Variants in CAMTA1 observed in about 807,000 individuals in gnomAD.
CAMTA1 encodes the protein calmodulin binding transcription activator 1.
In CAMTA1, 27 loss-of-function variants were observed where a neutral mutation model predicts 170.9. The observed-to-expected ratio is 0.16, with a 90% confidence interval of 0.12 to 0.22. The LOEUF is 0.22. Among genes scored for constraint, CAMTA1 ranks in the 10% least tolerant of loss-of-function variants. CAMTA1 has a pLI of 1.00. For synonymous variants in CAMTA1, 833 were observed against 891.5 expected, an observed-to-expected ratio of 0.93 and a Z score of 1.17; for missense variants, 1,619 against 2,217.2, an observed-to-expected ratio of 0.73 and a Z score of 5.42.
At chr1:6,857,901 T>C (rs1482261252) in intron 3 of CAMTA1, among the ~76,000 whole-genome samples, 1 of 152,170 alleles carries the variant, frequency 6.6e-6, no homozygotes, top group Admixed American at 6.5e-5. Context: ...TAATTTTATG[T>C]TGTGGGTGGC....
intron 3 of CAMTA1, among the ~76,000 whole-genome samples, chr1:6,875,731 G>T (rs576698682): frequency 2.0e-5 from 3 of 152,066 alleles, no homozygotes; most frequent in Non-Finnish European, 4.4e-5. Flanking sequence ...CCTTAATCCT[G>T]GCTGCACATC....
chr1:7,377,465 A>G (rs2086928263), intron 5 of CAMTA1, among the ~76,000 whole-genome samples: 1 of 152,120 alleles, frequency 6.6e-6, no homozygotes, highest in African/African-American at 2.4e-5. Context: ...CAGGCCCCAG[A>G]TATTCTCCAC....
chr1:7,016,966 G>A (rs1284201768), intron 3 of CAMTA1, among the ~76,000 whole-genome samples: 3 of 152,144 alleles, frequency 2.0e-5, no homozygotes, highest in African/African-American at 7.2e-5. Context: ...CTCCCTCCCT[G>A]CCTACTCACC....
At chr1:7,502,656 G>A (rs2094026433) in intron 6 of CAMTA1, among the ~76,000 whole-genome samples, 2 of 152,186 alleles carry the variant, frequency 1.3e-5, no homozygotes, top group Admixed American at 1.3e-4. Flanking sequence ...TGACCCCAAG[G>A]AGAAGCGAAG....
At chr1:7,388,746 G>A (rs1376783101) in intron 5 of CAMTA1, among the ~76,000 whole-genome samples, 3 of 152,210 alleles carry the variant, frequency 2.0e-5, no homozygotes, top group Admixed American at 1.3e-4. Context: ...GAGCGTTCCT[G>A]CCCATCTCCA....
At chr1:7,533,252 C>T (rs1009336301) in intron 6 of CAMTA1, among the ~76,000 whole-genome samples, 3 of 152,170 alleles carry the variant, frequency 2.0e-5, no homozygotes, top group African/African-American at 4.8e-5. Flanking sequence ...CCGGGCTCCA[C>T]TCCAGGCTCC....
At chr1:7,367,037 A>C (rs2086023880) in intron 5 of CAMTA1, among the ~76,000 whole-genome samples, 1 of 152,168 alleles carries the variant, frequency 6.6e-6, no homozygotes, top group Admixed American at 6.5e-5. Context: ...TCTTAAAAAA[A>C]AATATCCTGC....
At position 7,728,030 on chromosome 1, in the gene CAMTA1, C is replaced by T. The variant is rs201894230; in HGVS notation, c.2915-4418C>T. 2.0e-5 allele frequency among the ~76,000 whole-genome samples: 3 copies of T among 152,316 alleles called. No individual in the cohort carries two copies. The East Asian group carries it at 5.8e-4, about 29-fold the overall frequency. Reference sequence around the variant, plus strand: ...TTGGAATTGAGAGGCTCAGAGATGCCGTTATGCATGATATGATTTTGTTAA... The same window carrying T: ...TTGGAATTGAGAGGCTCAGAGATGCTGTTATGCATGATATGATTTTGTTAA... On this transcript the variant is annotated intron_variant, in intron 11 of 22. Coordinates refer to ENST00000303635, the MANE Select transcript of CAMTA1 (RefSeq NM_015215.4).
chr1:7,414,294 C>T (rs1369127005), intron 5 of CAMTA1, among the ~76,000 whole-genome samples: 1 of 152,036 alleles, frequency 6.6e-6, no homozygotes, highest in East Asian at 1.9e-4. Context: ...GGGAGGATTC[C>T]CTCTTTTTCT....
At chr1:7,388,971 C>A (rs1356776613) in intron 5 of CAMTA1, among the ~76,000 whole-genome samples, 1 of 152,208 alleles carries the variant, frequency 6.6e-6, no homozygotes, top group Non-Finnish European at 1.5e-5. Context: ...AGGGCCCTAA[C>A]GCTCTGTTGT....
intron 2 of CAMTA1, among the ~76,000 whole-genome samples, chr1:6,823,294 C>T (rs571017971): frequency 1.3e-5 from 2 of 152,248 alleles, no homozygotes; most frequent in African/African-American, 4.8e-5. Flanking sequence ...AGCATAAGCA[C>T]ATAAGATTAC....
chr1:6,822,821 C>CACACAA (rs1026426885), intron 2 of CAMTA1, among the ~76,000 whole-genome samples: 6 of 151,150 alleles, frequency 4.0e-5, no homozygotes, highest in African/African-American at 1.5e-4. Context: ...CACACACACA[C>CACACAA]ACACAAACAC....
At chr1:7,013,543 C>T (rs932231863) in intron 3 of CAMTA1, among the ~76,000 whole-genome samples, 2 of 152,134 alleles carry the variant, frequency 1.3e-5, no homozygotes, top group Admixed American at 6.5e-5. Flanking sequence ...TTTCTCAACC[C>T]GGAAGCCAGA....
chr1:7,658,942 G>A (rs530249457), intron 7 of CAMTA1, among the ~76,000 whole-genome samples: 8 of 152,180 alleles, frequency 5.3e-5, no homozygotes, highest in Middle Eastern at 3.2e-3. Context: ...GCCTGCCTGC[G>A]CCTATCACAT....
chr1:7,303,747 A>G (rs1192521043), intron 5 of CAMTA1, among the ~76,000 whole-genome samples: 1 of 152,222 alleles, frequency 6.6e-6, no homozygotes, highest in Non-Finnish European at 1.5e-5. Context: ...CAAAGCAGAG[A>G]AAAGGCATGG....
chr1:7,702,234 A>G (rs935165890), intron 11 of CAMTA1, among the ~76,000 whole-genome samples: 23 of 152,116 alleles, frequency 1.5e-4, no homozygotes, highest in Non-Finnish European at 1.3e-4. Flanking sequence ...CCTGCTCGGC[A>G]GAGGTGGGGC....
chr1:7,546,632 C>T (rs559549210), intron 6 of CAMTA1, among the ~76,000 whole-genome samples: 24 of 152,292 alleles, frequency 1.6e-4, no homozygotes, highest in African/African-American at 4.1e-4. Context: ...AGTGTAACAG[C>T]GTTTCTTCTT....
At chr1:7,306,762 T>C (rs1275912163) in intron 5 of CAMTA1, among the ~76,000 whole-genome samples, 2 of 151,948 alleles carry the variant, frequency 1.3e-5, no homozygotes, top group East Asian at 1.9e-4. Context: ...TTTTCCAATA[T>C]GTGACCGCAG....
intron 3 of CAMTA1, among the ~76,000 whole-genome samples, chr1:6,939,198 A>G (rs1685987483): frequency 1.3e-5 from 2 of 152,224 alleles, no homozygotes; most frequent in Non-Finnish European, 2.9e-5. Context: ...GGAGATGGAC[A>G]TGTCATCACT....
Sources: gnomAD v4.1 joint callset for allele counts (sites outside exome capture counted in the v4.1 genomes callset) on GRCh38, gnomAD v4.1.1 for gene constraint, MANE v1.5 for transcripts, NCBI Gene and HGNC (gene_info 2026-07-23, HGNC 2026-07-21) for gene names.